The following FN3KRP variants were observed in gnomAD, a reference collection of about 807,000 sequenced individuals.
FN3KRP encodes the protein fructosamine 3 kinase related protein.
FN3KRP carries 33 observed loss-of-function variants against 29.8 expected under a neutral mutation model. The ratio of observed to expected loss-of-function variants is 1.11; its 90% CI spans 0.84 to 1.48. The LOEUF (loss-of-function observed/expected upper bound fraction) is 1.48, where lower values mean the gene tolerates loss of function less well. Ranked by LOEUF, FN3KRP falls within the 40% of genes most tolerant of loss-of-function variation. The pLI, the probability that FN3KRP is intolerant of heterozygous loss-of-function variation, is 0.00. For missense variants in FN3KRP, 430 were observed against 402.6 expected, an observed-to-expected ratio of 1.07 and a Z score of -0.58; for synonymous variants, 157 against 155.2, an observed-to-expected ratio of 1.01 and a Z score of -0.09.
At position 82,718,904 on chromosome 17, in the gene FN3KRP, A is replaced by T; in HGVS notation, c.142-2A>T. 1.2e-6 allele frequency: 2 copies of T among 1,611,448 alleles called. No homozygotes were observed. Among genetic ancestry groups the T allele is most frequent in the Non-Finnish European group, 1.7e-6 (2 of 1,178,066 alleles). On this transcript the variant is annotated splice_acceptor_variant, in intron 1 of 5. Transcript: ENST00000269373. LOFTEE classifies it high-confidence loss of function. Reference sequence around the variant, plus strand: ...CCACTTCCTCTCGTATTTTTCTGACAGGCCAGAAGAATGTTTGAAGGTGAG... The same window carrying T: ...CCACTTCCTCTCGTATTTTTCTGACTGGCCAGAAGAATGTTTGAAGGTGAG...
At chr17:82,725,420 C>G (rs1463818798) in intron 4 of FN3KRP, among the ~76,000 whole-genome samples, 3 of 152,088 alleles carry the variant, frequency 2.0e-5, no homozygotes, top group Non-Finnish European at 4.4e-5. Flanking sequence ...ATATTGCTCA[C>G]CACTCCCAGC....
intron 4 of FN3KRP, among the ~76,000 whole-genome samples, chr17:82,723,265 A>G (rs1266624726): frequency 1.3e-5 from 2 of 152,110 alleles, no homozygotes; most frequent in African/African-American, 2.4e-5. Flanking sequence ...CGCCCAGCAC[A>G]TGTGCAGTGG....
rs771035632 is a variant in FN3KRP, at chr17:82,726,966, C to G, written c.725C>G (p.Ser242Trp). ...GACCCAGCTTCTTTCTACGGCCACT[C>G]GGAATATGAGCTGGCAATAGCTGGC... ...IFDPASFYGH[S>W]EYELAIAGMF... Residue 242 changes from serine (S) to tryptophan (W), a missense_variant, in exon 6 of 6, where the codon TCG (serine) becomes TGG (tryptophan). Ser to Trp is a radical substitution (Grantham distance 177). Transcript: ENST00000269373. 6.2e-7 allele frequency: 1 copy of G among 1,613,918 alleles called. No individual in the cohort carries two copies. The highest frequency in any genetic ancestry group is 1.7e-5 in the Admixed American group (1 of 59,956).
intron 1 of FN3KRP, among the ~76,000 whole-genome samples, chr17:82,717,357 G>C (rs1456434950): frequency 1.3e-5 from 2 of 152,166 alleles, no homozygotes; most frequent in Admixed American, 1.3e-4. Flanking sequence ...TGTGAAACGG[G>C]GCGAAGGTGC....
intron 4 of FN3KRP, among the ~76,000 whole-genome samples, chr17:82,725,104 C>T (rs1165659188): frequency 6.6e-6 from 1 of 151,816 alleles, no homozygotes. Context: ...AGCCACCGTG[C>T]CTGGCCAAAA....
chr17:82,720,748 C>G, intron 3 of FN3KRP: 1 of 141,862 alleles, frequency 7.0e-6, no homozygotes, highest in Non-Finnish European at 1.5e-5. Flanking sequence ...GCCATCATGT[C>G]TGACCTTTCC....
At chr17:82,725,564 C>T (rs1173006180) in intron 4 of FN3KRP, among the ~76,000 whole-genome samples, 1 of 152,084 alleles carries the variant, frequency 6.6e-6, no homozygotes, top group Non-Finnish European at 1.5e-5. Flanking sequence ...GTTCTCCTGC[C>T]TCAGCCTCCT....
At position 82,720,315 on chromosome 17, in the gene FN3KRP, G is replaced by C; in HGVS notation, c.337G>C (p.Asp113His). 2 of 1,614,022 alleles carry C rather than the reference G, an allele frequency of 1.2e-6. No homozygotes were observed. The highest frequency in any genetic ancestry group is 1.1e-5 in the South Asian group (1 of 91,076). Residue 113 changes from aspartate (D) to histidine (H), a missense_variant, in exon 3 of 6, where the codon GAT becomes CAT. By Grantham distance (81) the Asp-to-His change is moderately conservative. Transcript: ENST00000269373. ...LGAQLADLHL[D>H]NKKLGEMRLK... Reference sequence around the variant, plus strand: ...AGCCCAGCTGGCCGATTTACACCTTGATAACAAGAAGCTTGGAGAGATGCG... The same window carrying C: ...AGCCCAGCTGGCCGATTTACACCTTCATAACAAGAAGCTTGGAGAGATGCG...
chr17:82,721,872 T>C (rs142394296), intron 3 of FN3KRP, among the ~76,000 whole-genome samples: 2,841 of 152,210 alleles, frequency 0.019, 51 homozygotes, highest in Non-Finnish European at 0.029. Flanking sequence ...TTTGCTCTTG[T>C]TGCCCAGGCT....
At chr17:82,724,398 G>A (rs1254531235) in intron 4 of FN3KRP, among the ~76,000 whole-genome samples, 1 of 152,112 alleles carries the variant, frequency 6.6e-6, no homozygotes, top group East Asian at 1.9e-4. Context: ...GTGAGGTAGA[G>A]TTTGAGACCA....
chr17:82,721,211 C>T (rs978694201), intron 3 of FN3KRP, among the ~76,000 whole-genome samples: 1 of 152,108 alleles, frequency 6.6e-6, no homozygotes. Context: ...CCTCAGCCTC[C>T]TGAGTAGCTG....
Position 82,718,972 on chromosome 17 carries a change from G to A in FN3KRP, c.208G>A (p.Val70Met), listed in dbSNP as rs1447521257. The A allele has an allele frequency of 1.9e-6, 3 of 1,614,238 alleles. No homozygotes were observed. The highest frequency in any genetic ancestry group is 1.7e-6 in the Non-Finnish European group (2 of 1,180,040). The change falls in exon 2 of 6, where the codon GTG (valine) becomes ATG (methionine). Residue 70 changes from valine (V) to methionine (M), a missense_variant. Coordinates refer to ENST00000269373, the MANE Select transcript of FN3KRP (RefSeq NM_024619.4). ...CATCCTGAAAACAAACACGGTGAAA[G>A]TGCCCAAGCCCATCAAGGTTCTGGA... ...TAILKTNTVK[V>M]PKPIKVLDAP...
rs1211614777 is a variant in FN3KRP at position 82,724,366 on chromosome 17, G to A, written c.468+1480G>A. ...CACGCCTGTAATCTCAGCACTTTGG[G>A]AGGCCGAGGCGGGCAGATCACGTGA... On this transcript the variant is annotated intron_variant, in intron 4 of 5. Coordinates refer to ENST00000269373, the MANE Select transcript of FN3KRP (RefSeq NM_024619.4). Among the ~76,000 whole-genome samples, 77 of 152,110 alleles carry A rather than the reference G, an allele frequency of 5.1e-4. 1 individual carries two copies. The highest frequency in any genetic ancestry group is 4.9e-3 in the Admixed American group (75 of 15,256).
intron 1 of FN3KRP, among the ~76,000 whole-genome samples, 154 bp downstream of exon 1, chr17:82,717,050 G>A (rs2046761117): frequency 6.6e-6 from 1 of 152,322 alleles, no homozygotes; most frequent in South Asian, 2.1e-4. Flanking sequence ...AACCCTTTGC[G>A]CGGGGCGAGC....
chr17:82,726,424 C>T, intron 4 of FN3KRP, 56 bp from the exon 5 acceptor site: 2 of 1,580,946 alleles, frequency 1.3e-6, no homozygotes, highest in South Asian at 2.3e-5. Context: ...GGTAGCTGAG[C>T]TCTCCCTTGG....
chr17:82,719,508 A>G (rs1484336855), intron 2 of FN3KRP, among the ~76,000 whole-genome samples: 1 of 152,210 alleles, frequency 6.6e-6, no homozygotes, highest in African/African-American at 2.4e-5. Context: ...GAATCCCAAC[A>G]CTTCGGGAGG....
At position 82,726,612 on chromosome 17, in the gene FN3KRP, G is replaced by GC. The variant is rs770151603; in HGVS notation, c.591+14dup. ...TTGGTCTGCTCTGCAGGTGAGTGGGGCCCCACTGCATGCCCAGCACCTGCC... is the reference window on the plus strand; with the variant it reads ...TTGGTCTGCTCTGCAGGTGAGTGGGGCCCCCACTGCATGCCCAGCACCTGCC... On this transcript the variant is annotated intron_variant, in intron 5 of 5. Coordinates refer to ENST00000269373, the MANE Select transcript of FN3KRP (RefSeq NM_024619.4). 6.2e-7 allele frequency: 1 copy of GC among 1,607,444 alleles called. No individual in the cohort carries two copies. Among genetic ancestry groups the GC allele is most frequent in the African/African-American group, 1.3e-5 (1 of 74,778 alleles).
intron 4 of FN3KRP, among the ~76,000 whole-genome samples, chr17:82,724,272 T>TA (rs992701283): frequency 1.6e-4 from 24 of 151,708 alleles, no homozygotes; most frequent in African/African-American, 5.6e-4. Context: ...CCAGCTTGGG[T>TA]AATGGAGCAA....
In FN3KRP at chr17:82,726,941, GACCCA is replaced by G. The variant is rs2046842422; in HGVS notation, c.701_705del (p.Asp234GlyfsTer10). 1 of 1,612,806 alleles carries G rather than the reference GACCCA, an allele frequency of 6.2e-7. No homozygotes were observed. The highest frequency in any genetic ancestry group is 1.3e-5 in the African/African-American group (1 of 74,742). On this transcript the variant is annotated frameshift_variant, in exon 6 of 6. Transcript: ENST00000269373. LOFTEE classifies it high-confidence loss of function. Reference sequence around the variant, plus strand: ...GGATTCCTCTGGGCCGGTGATTTTTGACCCAGCTTCTTTCTACGGCCACTCGGAAT... The same window carrying G: ...GGATTCCTCTGGGCCGGTGATTTTTGGCTTCTTTCTACGGCCACTCGGAAT...
Sources: allele counts gnomAD v4.1 joint callset (sites outside exome capture counted in the v4.1 genomes callset), GRCh38; gene constraint gnomAD v4.1.1; transcripts MANE v1.5; gene names NCBI Gene and HGNC (gene_info 2026-07-23, HGNC 2026-07-21).